GPC5: variants seen among roughly 807,000 people sequenced by gnomAD.
GPC5 encodes the protein glypican-5.
Under a neutral mutation model 53.9 loss-of-function variants are expected in GPC5, and 47 were observed. The ratio of observed to expected loss-of-function variants is 0.87; its 90% confidence interval spans 0.69 to 1.11. The LOEUF is 1.11. Among genes scored for constraint, GPC5 ranks in the 50% most tolerant of loss-of-function variants. GPC5 has a pLI of 0.00. For synonymous variants in GPC5, 286 were observed against 263.3 expected, an observed-to-expected ratio of 1.09 and a Z score of -0.84; for missense variants, 748 against 713.1, an observed-to-expected ratio of 1.05 and a Z score of -0.56.
intron 6 of GPC5, among the ~76,000 whole-genome samples, chr13:91,966,658 C>T (rs1386768700): frequency 6.6e-6 from 1 of 152,188 alleles, no homozygotes; most frequent in East Asian, 1.9e-4. Flanking sequence ...CTCACTGACT[C>T]TTCTAGTCAA....
At chr13:92,397,195 C>T (rs1375377552) in intron 7 of GPC5, among the ~76,000 whole-genome samples, 3 of 152,192 alleles carry the variant, frequency 2.0e-5, no homozygotes, top group Non-Finnish European at 4.4e-5. Flanking sequence ...ACCCAGATCT[C>T]ATCTTGAATT....
chr13:91,701,632 ATTGT>A lies in GPC5; in HGVS notation c.1020+7754_1020+7757del, dbSNP rs1435018572. ...CATAGGTTCTCTCTACATTATGTTG[ATTGT>A]TTCATTGGCTGTGCAGAATCATATG... On this transcript the variant is annotated intron_variant, in intron 3 of 7. Transcript: ENST00000377067. Among the ~76,000 whole-genome samples, 3 of 151,456 alleles carry A rather than the reference ATTGT, an allele frequency of 2.0e-5. No individual in the cohort carries two copies. The East Asian group carries it at 5.8e-4, about 29-fold the overall frequency.
chr13:92,743,530 A>T (rs1354651804), intron 7 of GPC5, among the ~76,000 whole-genome samples: 1 of 152,134 alleles, frequency 6.6e-6, no homozygotes, highest in African/African-American at 2.4e-5. Context: ...GTCATCTGCA[A>T]ATGGGGACAA....
chr13:92,282,457 A>G (rs1241934997), intron 7 of GPC5, among the ~76,000 whole-genome samples: 6 of 152,162 alleles, frequency 3.9e-5, no homozygotes, highest in African/African-American at 1.4e-4. Context: ...AGATTCACCA[A>G]AGTTGAAATG....
intron 7 of GPC5, among the ~76,000 whole-genome samples, chr13:92,291,416 CCT>C (rs1306847305): frequency 1.3e-5 from 2 of 152,090 alleles, no homozygotes; most frequent in Admixed American, 6.5e-5. Context: ...CAATCAGCAC[CCT>C]GTGTCTAGCT....
intron 7 of GPC5, among the ~76,000 whole-genome samples, chr13:92,538,298 T>C (rs1443243324): frequency 6.6e-6 from 1 of 151,400 alleles, no homozygotes. Flanking sequence ...TTTCTTCCCT[T>C]CTCTTTCCTT....
chr13:92,108,763 T>C (rs907171788), intron 6 of GPC5, among the ~76,000 whole-genome samples: 8 of 152,174 alleles, frequency 5.3e-5, no homozygotes, highest in African/African-American at 9.6e-5. Flanking sequence ...TGAACTTTTT[T>C]CTCTCATCCT....
chr13:92,749,013 A>T (rs764957547), intron 7 of GPC5, among the ~76,000 whole-genome samples: 1 of 152,170 alleles, frequency 6.6e-6, no homozygotes, highest in Non-Finnish European at 1.5e-5. Flanking sequence ...TTTCAGAAAC[A>T]GTTTTAGAGC....
chr13:91,473,881 C>T (rs1462299986), intron 2 of GPC5, among the ~76,000 whole-genome samples: 1 of 152,162 alleles, frequency 6.6e-6, no homozygotes, highest in Non-Finnish European at 1.5e-5. Context: ...GTATAATTCT[C>T]AACAAGAATG....
At chr13:91,442,502 T>G (rs1880511929) in intron 1 of GPC5, among the ~76,000 whole-genome samples, 1 of 152,246 alleles carries the variant, frequency 6.6e-6, no homozygotes, top group African/African-American at 2.4e-5. Flanking sequence ...AGAACTTTAT[T>G]TTGTATAACT....
At chr13:91,699,214 G>T (rs561594367) in intron 3 of GPC5, among the ~76,000 whole-genome samples, 1 of 152,258 alleles carries the variant, frequency 6.6e-6, no homozygotes, top group East Asian at 1.9e-4. Flanking sequence ...CTCTAGGGTT[G>T]CTCCAGTTTC....
intron 7 of GPC5, among the ~76,000 whole-genome samples, chr13:92,214,497 TA>T: frequency 6.6e-6 from 1 of 152,284 alleles, no homozygotes; most frequent in Non-Finnish European, 1.5e-5. Flanking sequence ...TTAACTCCTT[TA>T]AGCCTTCAGA....
At chr13:92,302,577 A>G (rs1351422586) in intron 7 of GPC5, among the ~76,000 whole-genome samples, 1 of 152,178 alleles carries the variant, frequency 6.6e-6, no homozygotes, top group Admixed American at 6.5e-5. Flanking sequence ...GATTAAATGT[A>G]GTTTATGAGA....
At chr13:91,544,058 A>G (rs2030128471) in intron 2 of GPC5, among the ~76,000 whole-genome samples, 1 of 151,976 alleles carries the variant, frequency 6.6e-6, no homozygotes, top group Non-Finnish European at 1.5e-5. Flanking sequence ...AGCCTCAGTT[A>G]TTTCTAGTAC....
At chr13:91,893,746 A>G (rs190273299) in intron 5 of GPC5, among the ~76,000 whole-genome samples, 100 of 152,124 alleles carry the variant, frequency 6.6e-4, no homozygotes, top group Admixed American at 5.2e-3. Context: ...TTTGAATCTC[A>G]TTTACCCTTT....
At chr13:91,535,844 T>C (rs955086419) in intron 2 of GPC5, among the ~76,000 whole-genome samples, 1 of 152,128 alleles carries the variant, frequency 6.6e-6, no homozygotes, top group Non-Finnish European at 1.5e-5. Context: ...TCAGTAAATA[T>C]TAGTATTCAC....
chr13:91,414,137 G>A (rs376085669), intron 1 of GPC5, among the ~76,000 whole-genome samples: 2 of 152,092 alleles, frequency 1.3e-5, no homozygotes, highest in Non-Finnish European at 2.9e-5. Context: ...ATTTTGAATT[G>A]TAGTTCCCAT....
chr13:92,179,158 G>T (rs755809461), intron 7 of GPC5, among the ~76,000 whole-genome samples: 1 of 151,974 alleles, frequency 6.6e-6, no homozygotes, highest in East Asian at 1.9e-4. Flanking sequence ...AAGTAAAAAC[G>T]AACTGACATT....
chr13:92,785,637 A>G (rs1424377713), intron 7 of GPC5, among the ~76,000 whole-genome samples: 1 of 152,242 alleles, frequency 6.6e-6, no homozygotes, highest in Non-Finnish European at 1.5e-5. Flanking sequence ...TGAAAGCCAC[A>G]TGAAGTGATT....
Sources: allele counts gnomAD v4.1 joint callset (sites outside exome capture counted in the v4.1 genomes callset), GRCh38; gene constraint gnomAD v4.1.1; transcripts MANE v1.5; gene names NCBI Gene and HGNC (gene_info 2026-07-23, HGNC 2026-07-21).